Variants in TARS3 observed in about 807,000 individuals in gnomAD.
The protein encoded by TARS3 is threonine--tRNA ligase 2, cytoplasmic.
In TARS3, 94 loss-of-function variants were observed where a neutral mutation model predicts 103.5. That is an observed-to-expected ratio of 0.91 (90% confidence interval 0.77 to 1.08). The LOEUF is 1.08. Ranked by LOEUF, TARS3 falls within the 50% of genes least tolerant of loss-of-function variation. The pLI, the probability that TARS3 is intolerant of heterozygous loss-of-function variation, is 0.00. For synonymous variants in TARS3, 416 were observed against 355.4 expected (o/e 1.17, Z -1.92); for missense variants, 952 against 995.2 (o/e 0.96, Z 0.58).
At chr15:101,714,986 G>C (rs1220059950) in intron 3 of TARS3, 23 bp from the exon 4 acceptor site, 1 of 1,596,268 alleles carries the variant, frequency 6.3e-7, no homozygotes, top group African/African-American at 1.4e-5. Flanking sequence ...AAGCCACTTG[G>C]GAGTTAACTT....
intron 10 of TARS3, among the ~76,000 whole-genome samples, chr15:101,687,494 A>G (rs1345032679): frequency 6.6e-6 from 1 of 152,114 alleles, no homozygotes; most frequent in East Asian, 1.9e-4. Context: ...TTCAGATTAA[A>G]CAAGGTCCCA....
chr15:101,686,444 G>T (rs1380610191), intron 10 of TARS3, among the ~76,000 whole-genome samples: 1 of 152,062 alleles, frequency 6.6e-6, no homozygotes, highest in Non-Finnish European at 1.5e-5. Context: ...ATGCCATGTT[G>T]CATGTTATAA....
chr15:101,679,553 TA>T (rs1898172120), intron 12 of TARS3, among the ~76,000 whole-genome samples: 1 of 152,264 alleles, frequency 6.6e-6, no homozygotes, highest in African/African-American at 2.4e-5. Flanking sequence ...CATTAGTTAG[TA>T]ATTGCATTTT....
chr15:101,674,796 C>G (rs535572877), intron 13 of TARS3, among the ~76,000 whole-genome samples: 58 of 150,788 alleles, frequency 3.8e-4, no homozygotes, highest in Non-Finnish European at 6.9e-4. Flanking sequence ...CAGAGCAAGA[C>G]TCCGTCTCAA....
At chr15:101,721,463 TTTGTTG>T (rs1035920379) in intron 2 of TARS3, 141 bp from the exon 3 acceptor site, 2 of 612,268 alleles carry the variant, frequency 3.3e-6, no homozygotes, top group Non-Finnish European at 5.5e-6. Flanking sequence ...GAATTACGAT[TTTGTTG>T]TTGTTGTTGT....
chr15:101,681,977 A>T (rs966571831), intron 12 of TARS3, among the ~76,000 whole-genome samples: 2 of 152,194 alleles, frequency 1.3e-5, no homozygotes, highest in Non-Finnish European at 2.9e-5. Flanking sequence ...TATACAATTC[A>T]TTTTTGTATG....
chr15:101,707,527 G>A (rs956370475), intron 6 of TARS3, among the ~76,000 whole-genome samples: 2 of 152,174 alleles, frequency 1.3e-5, no homozygotes, highest in African/African-American at 4.8e-5. Context: ...AGGACATTCT[G>A]ACACACATTA....
At chr15:101,700,971 A>T in intron 10 of TARS3, 115 bp downstream of exon 10, 1 of 673,068 alleles carries the variant, frequency 1.5e-6, no homozygotes, top group Non-Finnish European at 2.4e-6. Context: ...CAAAATTCTT[A>T]TTAATGTTAC....
chr15:101,659,436 A>G (rs1445404792), intron 16 of TARS3, among the ~76,000 whole-genome samples: 1 of 152,166 alleles, frequency 6.6e-6, no homozygotes, highest in African/African-American at 2.4e-5. Context: ...ACTCCTCTCA[A>G]GGACCCACAC....
chr15:101,678,113 G>A (rs1898107844), intron 12 of TARS3, among the ~76,000 whole-genome samples: 1 of 151,622 alleles, frequency 6.6e-6, no homozygotes, highest in South Asian at 2.1e-4. Context: ...CCTGATAGCT[G>A]GGATTACAGG....
At chr15:101,660,466 A>G (rs960649076) in intron 16 of TARS3, among the ~76,000 whole-genome samples, 3 of 152,258 alleles carry the variant, frequency 2.0e-5, no homozygotes, top group African/African-American at 7.2e-5. Flanking sequence ...TCTCTTTCAT[A>G]GTCAGAAGCA....
intron 2 of TARS3, among the ~76,000 whole-genome samples, chr15:101,722,524 A>T (rs964481211): frequency 1.1e-4 from 15 of 138,114 alleles, no homozygotes; most frequent in African/African-American, 4.1e-4. Flanking sequence ...AAAAAAAAAA[A>T]GACCGGGGGC....
At chr15:101,661,686 T>C (rs748924315) in intron 16 of TARS3, 26 bp downstream of exon 16, 10 of 1,318,564 alleles carry the variant, frequency 7.6e-6, no homozygotes, top group African/African-American at 2.9e-5. Context: ...AATAGACATA[T>C]AGTTTTTCTT....
chr15:101,682,270 G>T (rs1401326225), intron 12 of TARS3, among the ~76,000 whole-genome samples: 1 of 152,144 alleles, frequency 6.6e-6, no homozygotes, highest in Non-Finnish European at 1.5e-5. Context: ...GTTTTTCATA[G>T]AGGCCTTTTA....
At chr15:101,669,703 C>T (rs918492031) in intron 15 of TARS3, among the ~76,000 whole-genome samples, 1 of 152,174 alleles carries the variant, frequency 6.6e-6, no homozygotes, top group African/African-American at 2.4e-5. Flanking sequence ...AGTAGAGTAA[C>T]ATGCTTTACA....
chr15:101,698,092 T>G (rs1488584841), intron 10 of TARS3, among the ~76,000 whole-genome samples: 1 of 152,124 alleles, frequency 6.6e-6, no homozygotes, highest in Non-Finnish European at 1.5e-5. Context: ...ATCCCAGCAC[T>G]TTGGGAGGCT....
chr15:101,718,241 G>A (rs550410183), intron 3 of TARS3, among the ~76,000 whole-genome samples: 1 of 152,102 alleles, frequency 6.6e-6, no homozygotes, highest in African/African-American at 2.4e-5. Flanking sequence ...GGTGGCGCAT[G>A]CCTGTAATCT....
At chr15:101,714,605 C>CAAAAAAAAAAA (rs35014693) in intron 4 of TARS3, 1 of 77,462 alleles carries the variant, frequency 1.3e-5, no homozygotes, top group Non-Finnish European at 2.1e-5. Context: ...GACTCCATCT[C>CAAAAAAAAAAA]AAAAAAAAAA....
chr15:101,659,860 TAC>T (rs1315781613), intron 16 of TARS3, among the ~76,000 whole-genome samples: 1 of 152,224 alleles, frequency 6.6e-6, no homozygotes, highest in Non-Finnish European at 1.5e-5. Context: ...ATCAGGAATA[TAC>T]ACAGACTCTC....
Sources: allele counts gnomAD v4.1 joint callset (sites outside exome capture counted in the v4.1 genomes callset), GRCh38; gene constraint gnomAD v4.1.1; transcripts MANE v1.5; gene names NCBI Gene and HGNC (gene_info 2026-07-23, HGNC 2026-07-21).